ARID3A: variants seen among roughly 807,000 people sequenced by gnomAD.
ARID3A encodes AT-rich interaction domain 3A, also known as AT-rich interactive domain-containing protein 3A.
A neutral mutation model predicts 52.7 loss-of-function variants in ARID3A; 11 were observed. That is an observed-to-expected ratio of 0.21 (90% CI 0.13 to 0.35). The LOEUF (loss-of-function observed/expected upper bound fraction) is 0.35, where lower values mean the gene tolerates loss of function less well. Among genes scored for constraint, ARID3A ranks in the 10% least tolerant of loss-of-function variants. The probability of loss-of-function intolerance (pLI) is 1.00; values close to 1 mark genes in which losing one functional copy is unlikely to be tolerated. For missense variants in ARID3A, 721 were observed against 838.5 expected, an observed-to-expected ratio of 0.86 and a Z score of 1.73; for synonymous variants, 404 against 359.4, an observed-to-expected ratio of 1.12 and a Z score of -1.40.
intron 1 of ARID3A, among the ~76,000 whole-genome samples, chr19:926,460 C>T (rs2037201874): frequency 6.7e-6 from 1 of 150,228 alleles, no homozygotes; most frequent in Admixed American, 6.6e-5. Flanking sequence ...CCCCCCCCTC[C>T]CCAGCGGAAG....
intron 3 of ARID3A, among the ~76,000 whole-genome samples, chr19:953,262 G>T (rs78135107): frequency 0.032 from 4,926 of 152,230 alleles, 187 homozygotes; most frequent in East Asian, 0.19. Flanking sequence ...GGGAGGTGGG[G>T]TGGAGAAAAT....
intron 3 of ARID3A, among the ~76,000 whole-genome samples, chr19:950,514 A>G (rs1599406571): frequency 8.0e-6 from 1 of 125,270 alleles, no homozygotes; most frequent in African/African-American, 4.2e-5. Flanking sequence ...AGAGGGGTTC[A>G]GGGGGAGCAG....
At chr19:961,593 G>A (rs1469566022) in intron 4 of ARID3A, among the ~76,000 whole-genome samples, 3 of 152,186 alleles carry the variant, frequency 2.0e-5, no homozygotes, top group Non-Finnish European at 4.4e-5. Context: ...CCCGTGCCTG[G>A]TACAGTGCCT....
In ARID3A at chr19:964,518, G is replaced by A. The variant is rs577096972; in HGVS notation, c.950+87G>A. 1.5e-5 allele frequency: 22 copies of A among 1,460,884 alleles called. No homozygotes were observed. The South Asian group carries it at 3.0e-4, about 20-fold the overall frequency. 90.5% of individuals were successfully genotyped at this position (1,460,884 alleles called of 1,614,324 possible). ...GCCTGCAGAAGAGGGAGGGGGTGGT[G>A]GGCAGCTGCAGAGGAGGGGGCAGTG... is the stretch of plus-strand genomic sequence containing the variant. On this transcript the variant is annotated intron_variant, in intron 5 of 8. Coordinates refer to ENST00000263620, the MANE Select transcript of ARID3A (RefSeq NM_005224.3). This position sits in a 1 kb window ranked among gnomAD's most constrained non-coding sequence, Gnocchi z 5.7.
rs1056782741 is a variant in ARID3A at position 975,731 on chromosome 19, A to T, written c.*3666A>T. On this transcript the variant is annotated 3_prime_UTR_variant, in exon 9 of 9. Coordinates refer to ENST00000263620, the MANE Select transcript of ARID3A (RefSeq NM_005224.3). ...AGTTTTCGCAGAACATTCAGGTATT[A>T]AAAGGAAAAAAAAAAAAAAAGACAA... 5 of 191,770 alleles carry T rather than the reference A, an allele frequency of 2.6e-5. No homozygotes were observed. The Admixed American group carries it at 3.2e-4, about 12-fold the overall frequency. The allele number at this position is 191,770 out of a possible 1,614,324, so 11.9% of individuals were successfully genotyped here. A position where few individuals can be genotyped will look rare whatever the true frequency, so the allele number is the denominator to read the frequency against.
intron 3 of ARID3A, among the ~76,000 whole-genome samples, chr19:955,062 G>A (rs2037889119): frequency 1.3e-5 from 2 of 152,184 alleles, no homozygotes; most frequent in Admixed American, 6.5e-5. Flanking sequence ...TCTGGTTGAC[G>A]TTTCAGAGGG....
chr19:930,441 A>G (rs1309857151), intron 2 of ARID3A, among the ~76,000 whole-genome samples: 4 of 149,714 alleles, frequency 2.7e-5, no homozygotes, highest in African/African-American at 9.8e-5. Context: ...AAACCCAGCT[A>G]CTCGGGAGGC....
In ARID3A at chr19:942,991, C is replaced by T. The variant is rs2037589343; in HGVS notation, c.693+10249C>T. On this transcript the variant is annotated intron_variant, in intron 3 of 8. Coordinates refer to ENST00000263620, the MANE Select transcript of ARID3A (RefSeq NM_005224.3). This position sits in a 1 kb window ranked among gnomAD's most constrained non-coding sequence, Gnocchi z 8.1. Reference sequence around the variant, plus strand: ...AAATCCCATGCCGGTCGGTTGTCCTCTAAGGGGGAGGTCACACCTGTGATC... The same window carrying T: ...AAATCCCATGCCGGTCGGTTGTCCTTTAAGGGGGAGGTCACACCTGTGATC... Among the ~76,000 whole-genome samples the T allele has an allele frequency of 6.6e-6, 1 of 152,184 alleles. No individual in the cohort carries two copies. The highest frequency in any genetic ancestry group is 2.4e-5 in the African/African-American group (1 of 41,448).
At chr19:943,419 T>C (rs1478321342) in intron 3 of ARID3A, among the ~76,000 whole-genome samples, 1 of 151,630 alleles carries the variant, frequency 6.6e-6, no homozygotes, top group Non-Finnish European at 1.5e-5. Flanking sequence ...AAATACAAAA[T>C]TAGCCGGGCG....
Position 957,318 on chromosome 19 carries a change from G to A in ARID3A, c.694-2774G>A, listed in dbSNP as rs62132352. Among the ~76,000 whole-genome samples the A allele has an allele frequency of 8.5e-5, 13 of 152,294 alleles. No individual in the cohort carries two copies. The South Asian group carries it at 1.2e-3, about 15-fold the overall frequency. On this transcript the variant is annotated intron_variant, in intron 3 of 8. Coordinates refer to ENST00000263620, the MANE Select transcript of ARID3A (RefSeq NM_005224.3). ...GAAGCCAGCAGGAGACAGGAGGACC[G>A]GGATGGGAAGCAGGGCGGGGCTCTG...
Position 932,630 on chromosome 19 carries a change from G to T in ARID3A, c.581G>T (p.Gly194Val), listed in dbSNP as rs1226601752. 4 of 1,535,616 alleles carry T rather than the reference G, an allele frequency of 2.6e-6. No individual in the cohort carries two copies. Among genetic ancestry groups the T allele is most frequent in the African/African-American group, 1.4e-5 (1 of 72,032 alleles). The change falls in exon 3 of 9, where the codon GGC becomes GTC. Residue 194 changes from glycine (G) to valine (V), a missense_variant. By Grantham distance (109) the Gly-to-Val change is moderately radical. This residue lies in a region of ARID3A where 349 missense variants were observed against 297.3 expected (regional missense o/e 1.17). Coordinates refer to ENST00000263620, the MANE Select transcript of ARID3A (RefSeq NM_005224.3). ...GATGGCGTTCCCAGGGTGCTGGGGG[G>T]CCAGGAGCGGCCGGGGCCTGGCCCT... Reference protein sequence around the residue: ...RGDGVPRVLGGQERPGPGPAH... With the variant: ...RGDGVPRVLGVQERPGPGPAH...
chr19:926,919 C>G (rs1311524148), intron 1 of ARID3A, among the ~76,000 whole-genome samples: 2 of 151,882 alleles, frequency 1.3e-5, no homozygotes, highest in Admixed American at 6.5e-5. Context: ...TTCCAAGAAG[C>G]CTTTGAAATC....
intron 6 of ARID3A, chr19:965,355 GT>G: frequency 2.4e-6 from 1 of 422,972 alleles, no homozygotes. Flanking sequence ...ATTGATCACT[GT>G]TTTTCCAGTC....
intron 3 of ARID3A, among the ~76,000 whole-genome samples, chr19:958,409 C>A (rs1220946412): frequency 9.0e-6 from 1 of 110,806 alleles, no homozygotes; most frequent in African/African-American, 3.6e-5. Context: ...GCCTGGGCGA[C>A]AGAGCGAGAC....
rs2037272370 is a variant in ARID3A at position 929,537 on chromosome 19, A to G, written c.9A>G (p.Leu3=). 6.6e-7 allele frequency: 1 copy of G among 1,517,486 alleles called. No individual in the cohort carries two copies. The highest frequency in any genetic ancestry group is 1.4e-5 in the African/African-American group (1 of 70,254). 94.0% of individuals were successfully genotyped at this position (1,517,486 alleles called of 1,614,324 possible). A position where few individuals can be genotyped will look rare whatever the true frequency, so the allele number is the denominator to read the frequency against. The change falls in exon 2 of 9, where the codon CTA becomes CTG. Residue 3 remains leucine (L), a synonymous_variant. Coordinates refer to ENST00000263620, the MANE Select transcript of ARID3A (RefSeq NM_005224.3). The surrounding 1 kb of genome is among the most constrained non-coding windows in gnomAD (Gnocchi z 6.2). MK[L]QAVMETLLQR... ...GCCCGGGCCGCAGGGCCATGAAACTACAGGCCGTGATGGAGACGCTGTTGC... is the reference window on the plus strand; with the variant it reads ...GCCCGGGCCGCAGGGCCATGAAACTGCAGGCCGTGATGGAGACGCTGTTGC...
intron 3 of ARID3A, among the ~76,000 whole-genome samples, chr19:958,427 CAAA>C (rs35996712): frequency 1.4e-4 from 12 of 85,918 alleles, no homozygotes; most frequent in South Asian, 3.7e-4. Flanking sequence ...GACTCCATCT[CAAA>C]AAAAAAAAAA....
At chr19:969,680 T>C (rs1021765025) in intron 8 of ARID3A, among the ~76,000 whole-genome samples, 4 of 150,602 alleles carry the variant, frequency 2.7e-5, no homozygotes, top group Non-Finnish European at 5.9e-5. Flanking sequence ...GATATATATA[T>C]ATATAGTTGT....
In ARID3A at chr19:960,917, G is replaced by A. The variant is rs1599419577; in HGVS notation, c.766+753G>A. ...CACAAGACAGACTCAGACGACCAAG[G>A]GTAGCCGGGGTGTCCCAGCGGCCAT... is the stretch of plus-strand genomic sequence containing the variant. On this transcript the variant is annotated intron_variant, in intron 4 of 8. Coordinates refer to ENST00000263620, the MANE Select transcript of ARID3A (RefSeq NM_005224.3). The surrounding 1 kb of genome is among the most constrained non-coding windows in gnomAD (Gnocchi z 4.3). Among the ~76,000 whole-genome samples the A allele has an allele frequency of 6.6e-6, 1 of 152,196 alleles. No homozygotes were observed. The highest frequency in any genetic ancestry group is 6.5e-5 in the Admixed American group (1 of 15,286).
intron 2 of ARID3A, 134 bp downstream of exon 2, chr19:930,030 G>A (rs751222635): frequency 5.7e-5 from 73 of 1,289,348 alleles, no homozygotes; most frequent in Non-Finnish European, 6.9e-5. Context: ...TTGAGAGGCC[G>A]ACGTGGGAGG....
Sources: gnomAD v4.1 joint callset for allele counts (sites outside exome capture counted in the v4.1 genomes callset) on GRCh38, gnomAD v4.1.1 for gene constraint, gnomAD v4.1.1 regional missense constraint, Gnocchi (gnomAD v3.1) non-coding constraint, MANE v1.5 for transcripts, NCBI Gene and HGNC (gene_info 2026-07-23, HGNC 2026-07-21) for gene names.